Variants in SLC8A2 observed in about 807,000 individuals in gnomAD.
SLC8A2 encodes solute carrier family 8 member A2, also known as sodium/calcium exchanger 2.
A neutral mutation model predicts 70.2 loss-of-function variants in SLC8A2; 14 were observed. The observed-to-expected ratio is 0.20, with a 90% CI of 0.13 to 0.31. SLC8A2 has a LOEUF of 0.31. SLC8A2 is among the 10% of genes least tolerant of loss of function. The pLI, the probability that SLC8A2 is intolerant of heterozygous loss-of-function variation, is 1.00. For synonymous variants in SLC8A2, 575 were observed against 594.3 expected, an observed-to-expected ratio of 0.97 and a Z score of 0.47; for missense variants, 779 against 1,320.1, an observed-to-expected ratio of 0.59 and a Z score of 6.35.
At chr19:47,437,429 T>C (rs865866584) in intron 8 of SLC8A2, 33 bp downstream of exon 8, 2 of 1,368,502 alleles carry the variant, frequency 1.5e-6, no homozygotes. Context: ...TCTCTCCATC[T>C]TTCTCTCTTC....
chr19:47,449,330 G>A (rs1967207810), intron 3 of SLC8A2, among the ~76,000 whole-genome samples: 1 of 151,936 alleles, frequency 6.6e-6, no homozygotes, highest in African/African-American at 2.4e-5. Context: ...GTTGTGTTTT[G>A]TTTTGTTTTT....
chr19:47,430,024 A>G lies in SLC8A2; in HGVS notation c.*65T>C. On this transcript the variant is annotated 3_prime_UTR_variant, in exon 10 of 10. Coordinates refer to ENST00000236877, the MANE Select transcript of SLC8A2 (RefSeq NM_015063.3). The surrounding 1 kb of genome is among the most constrained non-coding windows in gnomAD (Gnocchi z 5.9). ...TGGGGGGAAAAGGAGACCAGGGTCC[A>G]AGAGCAGGTGCAGCCGAGTCCCTAG... is the stretch of plus-strand genomic sequence containing the variant. 6.7e-7 allele frequency: 1 copy of G among 1,492,080 alleles called. No homozygotes were observed. The highest frequency in any genetic ancestry group is 1.3e-5 in the South Asian group (1 of 76,642). The allele number at this position is 1,492,080 out of a possible 1,614,324, so 92.4% of individuals were successfully genotyped here. A position where few individuals can be genotyped will look rare whatever the true frequency, so the allele number is the denominator to read the frequency against.
At chr19:47,471,186 A>C (rs929852448) in intron 1 of SLC8A2, among the ~76,000 whole-genome samples, 2 of 151,838 alleles carry the variant, frequency 1.3e-5, no homozygotes, top group Admixed American at 1.3e-4. Context: ...AGACAGAGAC[A>C]CAGAGAAAGC....
chr19:47,431,289 C>T (rs1016931168), intron 9 of SLC8A2, among the ~76,000 whole-genome samples: 15 of 152,142 alleles, frequency 9.9e-5, no homozygotes, highest in African/African-American at 3.6e-4. Flanking sequence ...GCCTTGGCCC[C>T]CCGCCTTTGC....
At position 47,447,218 on chromosome 19, in the gene SLC8A2, T is replaced by G. The variant is rs1967174871; in HGVS notation, c.1763+591A>C. On this transcript the variant is annotated intron_variant, in intron 4 of 9. Coordinates refer to ENST00000236877, the MANE Select transcript of SLC8A2 (RefSeq NM_015063.3). This position sits in a 1 kb window ranked among gnomAD's most constrained non-coding sequence, Gnocchi z 5.1. ...CATTTTCCCATTTCCTGATGTCGTA[T>G]GTCCAAACCCAGACCCCACCTATCG... Among the ~76,000 whole-genome samples, 1 of 151,590 alleles carries G rather than the reference T, an allele frequency of 6.6e-6. No homozygotes were observed. The highest frequency in any genetic ancestry group is 2.1e-4 in the South Asian group (1 of 4,790).
At chr19:47,442,087 C>A (rs886625679) in intron 4 of SLC8A2, among the ~76,000 whole-genome samples, 1 of 151,928 alleles carries the variant, frequency 6.6e-6, no homozygotes, top group Admixed American at 6.6e-5. Context: ...GGCAACAGAG[C>A]GAGACACCAT....
At chr19:47,461,096 AG>A (rs1379711776) in intron 2 of SLC8A2, among the ~76,000 whole-genome samples, 2 of 151,938 alleles carry the variant, frequency 1.3e-5, no homozygotes, top group Non-Finnish European at 2.9e-5. Context: ...AAGCTGAGGC[AG>A]GAGAATCGCT....
chr19:47,471,503 A>AG (rs1162531145), intron 1 of SLC8A2, among the ~76,000 whole-genome samples: 7 of 42,094 alleles, frequency 1.7e-4, no homozygotes, highest in East Asian at 5.9e-4. Flanking sequence ...AGAGAGCGCG[A>AG]GGGGGGGTGC....
In SLC8A2 at chr19:47,447,884, T is replaced by G; in HGVS notation, c.1688A>C (p.Asp563Ala). The G allele has an allele frequency of 6.3e-7, 1 of 1,592,460 alleles. No homozygotes were observed. The highest frequency in any genetic ancestry group is 8.5e-7 in the Non-Finnish European group (1 of 1,172,754). The change falls in exon 4 of 10, where the codon GAC becomes GCC. Residue 563 changes from aspartate to alanine, a missense_variant. Transcript: ENST00000236877. The surrounding 1 kb of genome is among the most constrained non-coding windows in gnomAD (Gnocchi z 5.1). ...CACGCCGCCGCCGCGCGCCGTGCCG[T>G]CCACCGTGCGGTAGGGAAGGCGCAC... ...GTVRLPYRTV[D>A]GTARGGGVHY...
Position 47,446,255 on chromosome 19 carries a change from G to A in SLC8A2, c.1763+1554C>T, listed in dbSNP as rs567832504. On this transcript the variant is annotated intron_variant, in intron 4 of 9. Transcript: ENST00000236877. ...GCGGGGGCGGAAGAGAGCGGGCAGAGGAGGGGCAGGCGCTGCCTGCATCCT... is the reference window on the plus strand; with the variant it reads ...GCGGGGGCGGAAGAGAGCGGGCAGAAGAGGGGCAGGCGCTGCCTGCATCCT... Among the ~76,000 whole-genome samples the A allele has an allele frequency of 5.9e-5, 9 of 151,270 alleles. No individual in the cohort carries two copies. In the South Asian group the frequency reaches 1.9e-3, roughly 32 times the overall value.
chr19:47,470,345 T>TCA (rs1555751618), intron 1 of SLC8A2, among the ~76,000 whole-genome samples: 8 of 109,142 alleles, frequency 7.3e-5, no homozygotes, highest in Non-Finnish European at 1.1e-4. Context: ...CAGGGAGACA[T>TCA]CATACACACA....
Position 47,428,135 on chromosome 19 carries a change from T to C in SLC8A2, c.*1954A>G, listed in dbSNP as rs1247249005. The C allele has an allele frequency of 1.3e-5, 2 of 152,264 alleles. No individual in the cohort carries two copies. The highest frequency in any genetic ancestry group is 2.9e-5 in the Non-Finnish European group (2 of 68,056). The allele number at this position is 152,264 out of a possible 1,614,324, so 9.4% of individuals were successfully genotyped here. A position where few individuals can be genotyped will look rare whatever the true frequency, so the allele number is the denominator to read the frequency against. ...AGGATGCCCATAAAGAGAAACAGTTTGTGGCTCATGCATGGGGGCGTGGCT... is the reference window on the plus strand; with the variant it reads ...AGGATGCCCATAAAGAGAAACAGTTCGTGGCTCATGCATGGGGGCGTGGCT... On this transcript the variant is annotated 3_prime_UTR_variant, in exon 10 of 10. Transcript: ENST00000236877.
At position 47,457,436 on chromosome 19, in the gene SLC8A2, C is replaced by T; in HGVS notation, c.834G>A (p.Lys278=). 6.2e-7 allele frequency: 1 copy of T among 1,603,606 alleles called. No individual in the cohort carries two copies. Among genetic ancestry groups the T allele is most frequent in the Non-Finnish European group, 8.5e-7 (1 of 1,176,402 alleles). ...CGAACGTGCCGTCCAGCTCGATGCT[C>T]TTCGGGGGGTCGCCCTCGGCGCCTA... ...IIIGAEGDPP[K]SIELDGTFVG... Residue 278 remains lysine (K), a synonymous_variant, in exon 3 of 10, where the codon AAG becomes AAA. Coordinates refer to ENST00000236877, the MANE Select transcript of SLC8A2 (RefSeq NM_015063.3).
At chr19:47,463,994 G>A (rs952174914) in intron 2 of SLC8A2, among the ~76,000 whole-genome samples, 6 of 152,156 alleles carry the variant, frequency 3.9e-5, no homozygotes, top group African/African-American at 1.4e-4. Context: ...CCAAATCTCT[G>A]GCTTCAGGTG....
intron 1 of SLC8A2, among the ~76,000 whole-genome samples, chr19:47,469,954 G>A (rs941177933): frequency 2.0e-5 from 3 of 152,204 alleles, no homozygotes; most frequent in Non-Finnish European, 4.4e-5. Context: ...CATGCCTGGG[G>A]GTGGGTGCAG....
Position 47,447,595 on chromosome 19 carries a change from AG to A in SLC8A2, c.1763+213del. On this transcript the variant is annotated intron_variant, in intron 4 of 9. Transcript: ENST00000236877. The surrounding 1 kb of genome is among the most constrained non-coding windows in gnomAD (Gnocchi z 5.1). ...CAGGCCCCTCTCCTCCTGAGGGCCC[AG>A]CTGTTCAGTGAAGCCCCGCCCACGT... 1.9e-6 allele frequency: 1 copy of A among 534,734 alleles called. No homozygotes were observed. The highest frequency in any genetic ancestry group is 2.3e-5 in the South Asian group (1 of 44,028). The allele number at this position is 534,734 out of a possible 1,614,324, so 33.1% of individuals were successfully genotyped here.
chr19:47,439,319 G>T (rs1967069702), intron 6 of SLC8A2, among the ~76,000 whole-genome samples: 1 of 152,124 alleles, frequency 6.6e-6, no homozygotes. Flanking sequence ...CCTGAGGTCA[G>T]GAGTTCGAGA....
intron 8 of SLC8A2, among the ~76,000 whole-genome samples, chr19:47,437,099 C>T (rs1568440151): frequency 6.6e-6 from 1 of 152,174 alleles, no homozygotes; most frequent in Admixed American, 6.5e-5. Flanking sequence ...CCTGCCTCTC[C>T]CTCTCCCCGG....
At chr19:47,441,271 G>C (rs372053381) in intron 5 of SLC8A2, 66 bp downstream of exon 5, 6 of 1,585,714 alleles carry the variant, frequency 3.8e-6, no homozygotes, top group Non-Finnish European at 5.2e-6. Context: ...GCCTGCAATT[G>C]AGCCCCTGAA....
Sources: allele counts gnomAD v4.1 joint callset (sites outside exome capture counted in the v4.1 genomes callset), GRCh38; gene constraint gnomAD v4.1.1; non-coding constraint Gnocchi (gnomAD v3.1); transcripts MANE v1.5; gene names NCBI Gene and HGNC (gene_info 2026-07-23, HGNC 2026-07-21).